UMAD1: variants seen among roughly 807,000 people sequenced by gnomAD.
The protein encoded by UMAD1 is UBAP1-MVB12-associated (UMA)-domain containing protein 1.
UMAD1 carries 8 observed loss-of-function variants against 6.1 expected under a neutral mutation model. The observed-to-expected ratio is 1.30, with a 90% CI of 0.76 to 2.35. The LOEUF is 2.35. Ranked by LOEUF, UMAD1 falls within the 30% of genes most tolerant of loss-of-function variation. The pLI, the probability that UMAD1 is intolerant of heterozygous loss-of-function variation, is 0.00. For missense variants in UMAD1, 130 were observed against 78.4 expected, an observed-to-expected ratio of 1.66 and a Z score of -2.49; for synonymous variants, 56 against 31.4, an observed-to-expected ratio of 1.78 and a Z score of -2.61.
chr7:7,699,894 G>T (rs566755977), intron 2 of UMAD1, among the ~76,000 whole-genome samples: 1 of 152,166 alleles, frequency 6.6e-6, no homozygotes, highest in Non-Finnish European at 1.5e-5. Context: ...GTGGAAATAC[G>T]TGTTTTGTTT....
chr7:7,737,242 T>C (rs1196173314), intron 2 of UMAD1, among the ~76,000 whole-genome samples: 1 of 152,226 alleles, frequency 6.6e-6, no homozygotes, highest in Non-Finnish European at 1.5e-5. Flanking sequence ...TTTGGTGAGT[T>C]AATTAACCTC....
intron 3 of UMAD1, among the ~76,000 whole-genome samples, chr7:7,856,196 C>T (rs1249882272): frequency 6.6e-6 from 1 of 152,176 alleles, no homozygotes; most frequent in Non-Finnish European, 1.5e-5. Flanking sequence ...TTAAGCTATG[C>T]CCCACTACTT....
intron 2 of UMAD1, among the ~76,000 whole-genome samples, chr7:7,733,470 A>G (rs1781294330): frequency 6.6e-6 from 1 of 151,600 alleles, no homozygotes; most frequent in Non-Finnish European, 1.5e-5. Context: ...AATTCCGTAC[A>G]TTATAATTGT....
chr7:7,705,140 T>C (rs1387532343), intron 2 of UMAD1, among the ~76,000 whole-genome samples: 1 of 152,186 alleles, frequency 6.6e-6, no homozygotes, highest in Non-Finnish European at 1.5e-5. Context: ...TTTGAACTTT[T>C]TATGCAATGA....
At chr7:7,805,180 A>G (rs1228549254) in intron 3 of UMAD1, among the ~76,000 whole-genome samples, 2 of 152,068 alleles carry the variant, frequency 1.3e-5, no homozygotes, top group Non-Finnish European at 2.9e-5. Flanking sequence ...CTCTGTACCC[A>G]ACTGCCTATG....
chr7:7,700,107 CTT>C (rs1397624131), intron 2 of UMAD1, among the ~76,000 whole-genome samples: 4 of 152,116 alleles, frequency 2.6e-5, no homozygotes, highest in Admixed American at 6.6e-5. Context: ...AGATTGGTGG[CTT>C]GTAAACAATA....
intron 2 of UMAD1, among the ~76,000 whole-genome samples, chr7:7,783,174 G>T (rs1782385123): frequency 6.6e-6 from 1 of 152,240 alleles, no homozygotes; most frequent in Non-Finnish European, 1.5e-5. Context: ...GTAAGAGACA[G>T]GCTGGTTGCA....
At chr7:7,858,265 T>C (rs893001490) in intron 3 of UMAD1, among the ~76,000 whole-genome samples, 2 of 152,216 alleles carry the variant, frequency 1.3e-5, no homozygotes, top group Non-Finnish European at 2.9e-5. Context: ...TAACAGCTAA[T>C]ATAATTTATT....
rs2115304232 is a variant in UMAD1 at position 7,830,369 on chromosome 7, G to A, written c.156+28626G>A. Among the ~76,000 whole-genome samples the A allele has an allele frequency of 6.6e-6, 1 of 152,208 alleles. No homozygotes were observed. The highest frequency in any genetic ancestry group is 6.5e-5 in the Admixed American group (1 of 15,274). On this transcript the variant is annotated intron_variant, in intron 3 of 3. Transcript: ENST00000682710. This position sits in a 1 kb window ranked among gnomAD's most constrained non-coding sequence, Gnocchi z 5.3. ...CTAGAATGTGACTGTTTGCCCTGGA[G>A]CCTTTCCAGGTTCTCCCATCAGAAG... is the stretch of plus-strand genomic sequence containing the variant.
At chr7:7,803,260 G>T (rs1782838122) in intron 3 of UMAD1, among the ~76,000 whole-genome samples, 1 of 152,218 alleles carries the variant, frequency 6.6e-6, no homozygotes, top group South Asian at 2.1e-4. Flanking sequence ...AGGATTGCTT[G>T]AGGCTAGGAG....
At chr7:7,726,723 GA>G (rs369264331) in intron 2 of UMAD1, among the ~76,000 whole-genome samples, 4 of 152,286 alleles carry the variant, frequency 2.6e-5, no homozygotes, top group African/African-American at 9.6e-5. Context: ...TCCAGAGGGA[GA>G]AATGCTGCCA....
chr7:7,830,340 C>A lies in UMAD1; in HGVS notation c.156+28597C>A, dbSNP rs538675564. 5.9e-5 allele frequency among the ~76,000 whole-genome samples: 9 copies of A among 152,214 alleles called. No individual in the cohort carries two copies. The highest frequency in any genetic ancestry group is 1.2e-4 in the Non-Finnish European group (8 of 68,018). On this transcript the variant is annotated intron_variant, in intron 3 of 3. Coordinates refer to ENST00000682710, the MANE Select transcript of UMAD1 (RefSeq NM_001302348.2). This position sits in a 1 kb window ranked among gnomAD's most constrained non-coding sequence, Gnocchi z 5.3. ...GGAGGTTAGCCCTGCCCTTCATTTCCAGCCTAGAATGTGACTGTTTGCCCT... is the reference window on the plus strand; with the variant it reads ...GGAGGTTAGCCCTGCCCTTCATTTCAAGCCTAGAATGTGACTGTTTGCCCT...
chr7:7,824,820 T>C (rs1404131650), intron 3 of UMAD1, among the ~76,000 whole-genome samples: 2 of 152,200 alleles, frequency 1.3e-5, no homozygotes, highest in Non-Finnish European at 2.9e-5. Flanking sequence ...AAACTGGTCC[T>C]GTGTATTAGC....
chr7:7,761,683 A>G lies in UMAD1; in HGVS notation c.83-39987A>G, dbSNP rs556526446. ...TTATTGGGGAATAGATTTATAAGGCAGAATCATTCTTTACATGGAAAGACA... is the reference window on the plus strand; with the variant it reads ...TTATTGGGGAATAGATTTATAAGGCGGAATCATTCTTTACATGGAAAGACA... On this transcript the variant is annotated intron_variant, in intron 2 of 3. Transcript: ENST00000682710. Among the ~76,000 whole-genome samples, 11 of 152,378 alleles carry G rather than the reference A, an allele frequency of 7.2e-5. 1 individual carries two copies. The South Asian group carries it at 2.1e-3, about 29-fold the overall frequency.
chr7:7,710,970 A>G (rs1479865397), intron 2 of UMAD1, among the ~76,000 whole-genome samples: 2 of 152,240 alleles, frequency 1.3e-5, no homozygotes, highest in Non-Finnish European at 2.9e-5. Flanking sequence ...TCATTTATGT[A>G]GCATTCTTGA....
chr7:7,852,446 A>G (rs935921245), intron 3 of UMAD1, among the ~76,000 whole-genome samples: 24 of 152,266 alleles, frequency 1.6e-4, no homozygotes, highest in African/African-American at 4.8e-4. Context: ...CACCTCAGAC[A>G]ACAGTCACAA....
chr7:7,849,127 C>G (rs1783865314), intron 3 of UMAD1, among the ~76,000 whole-genome samples: 1 of 152,140 alleles, frequency 6.6e-6, no homozygotes, highest in African/African-American at 2.4e-5. Context: ...TTATTGATTA[C>G]TTACTGCATT....
Position 7,709,830 on chromosome 7 carries a change from A to AC in UMAD1, c.82+36378dup, listed in dbSNP as rs1449968698. ...CATATTCAGAATGACAATGTGATGAACACCTGTGTACCCACCAATTGGTTT... is the reference window on the plus strand; with the variant it reads ...CATATTCAGAATGACAATGTGATGAACCACCTGTGTACCCACCAATTGGTTT... On this transcript the variant is annotated intron_variant, in intron 2 of 3. Coordinates refer to ENST00000682710, the MANE Select transcript of UMAD1 (RefSeq NM_001302348.2). Among the ~76,000 whole-genome samples, 10 of 152,244 alleles carry AC rather than the reference A, an allele frequency of 6.6e-5. 1 individual carries two copies. The highest frequency in any genetic ancestry group is 2.4e-4 in the African/African-American group (10 of 41,550).
Position 7,830,558 on chromosome 7 carries a change from T to C in UMAD1, c.156+28815T>C, listed in dbSNP as rs912367638. The stretch of plus-strand genomic sequence containing the variant: ...GCGTGTTTTTCTTCTTTGCTCTGGG[T>C]GCCCAAAAACTGTGAGCCAACTTCA... On this transcript the variant is annotated intron_variant, in intron 3 of 3. Coordinates refer to ENST00000682710, the MANE Select transcript of UMAD1 (RefSeq NM_001302348.2). This position sits in a 1 kb window ranked among gnomAD's most constrained non-coding sequence, Gnocchi z 5.3. Among the ~76,000 whole-genome samples the C allele has an allele frequency of 3.3e-5, 5 of 152,154 alleles. No homozygotes were observed. Among genetic ancestry groups the C allele is most frequent in the Non-Finnish European group, 7.3e-5 (5 of 68,028 alleles).
Sources: allele counts gnomAD v4.1 joint callset (sites outside exome capture counted in the v4.1 genomes callset), GRCh38; gene constraint gnomAD v4.1.1; non-coding constraint Gnocchi (gnomAD v3.1); transcripts MANE v1.5; gene names NCBI Gene and HGNC (gene_info 2026-07-23, HGNC 2026-07-21).